ITIH2: variants seen among roughly 807,000 people sequenced by gnomAD.
The protein encoded by ITIH2 is inter-alpha-trypsin inhibitor heavy chain H2.
Under a neutral mutation model 104.4 loss-of-function variants are expected in ITIH2, and 103 were observed. That is an observed-to-expected ratio of 0.99 (90% CI 0.84 to 1.16). The LOEUF (loss-of-function observed/expected upper bound fraction) is 1.16. Ranked by LOEUF, ITIH2 falls within the 50% of genes most tolerant of loss-of-function variation. The pLI is 0.00. For missense variants in ITIH2, 1,108 were observed against 1,162.4 expected (o/e 0.95, Z 0.68); for synonymous variants, 436 against 435.4 (o/e 1.00, Z -0.02).
Position 7,732,014 on chromosome 10 carries a change from T to A in ITIH2, c.1647+18T>A. ...CGACTTCGGTACTTCCACTTATCCA[T>A]TTATTCTATCTACTAACTGACCCCC... is the stretch of plus-strand genomic sequence containing the variant. On this transcript the variant is annotated intron_variant, in intron 13 of 20. Coordinates refer to ENST00000358415, the MANE Select transcript of ITIH2 (RefSeq NM_002216.3). The A allele has an allele frequency of 1.9e-6, 3 of 1,586,712 alleles. No individual in the cohort carries two copies. Among genetic ancestry groups the A allele is most frequent in the Non-Finnish European group, 1.7e-6 (2 of 1,157,518 alleles).
chr10:7,738,500 CAG>C (rs1467415261), intron 15 of ITIH2, 119 bp from the exon 16 acceptor site: 1 of 1,105,682 alleles, frequency 9.0e-7, no homozygotes, highest in Non-Finnish European at 1.3e-6. Context: ...GGAATAAAAA[CAG>C]AGGAGAAAAA....
chr10:7,733,002 C>T (rs1464830230), intron 14 of ITIH2, among the ~76,000 whole-genome samples: 1 of 152,192 alleles, frequency 6.6e-6, no homozygotes, highest in Non-Finnish European at 1.5e-5. Flanking sequence ...ACTGGGATTA[C>T]AGGCATGAGC....
Position 7,731,971 on chromosome 10 carries a change from TAGAG to T in ITIH2, c.1625_1628del (p.Glu542AlafsTer12), listed in dbSNP as rs764736249. The stretch of plus-strand genomic sequence containing the variant: ...TTTGACCCTGCTAAATTGGATCAAA[TAGAG>T]AGCGTTATCACGGCGACTTCGGTAC... On this transcript the variant is annotated frameshift_variant, in exon 13 of 21. Coordinates refer to ENST00000358415, the MANE Select transcript of ITIH2 (RefSeq NM_002216.3). LOFTEE classifies it high-confidence loss of function. 1.1e-5 allele frequency: 18 copies of T among 1,613,770 alleles called. No individual in the cohort carries two copies. Among genetic ancestry groups the T allele is most frequent in the Admixed American group, 1.7e-5 (1 of 59,956 alleles).
chr10:7,707,136 G>T (rs1588448901), intron 2 of ITIH2, 65 bp from the exon 3 acceptor site: 5 of 1,173,168 alleles, frequency 4.3e-6, no homozygotes, highest in Non-Finnish European at 6.2e-6. Flanking sequence ...TGAGAAAACG[G>T]TTTTGGCTCT....
chr10:7,732,327 C>T lies in ITIH2; in HGVS notation c.1648-11C>T. 2.5e-6 allele frequency: 4 copies of T among 1,610,044 alleles called. No homozygotes were observed. Among genetic ancestry groups the T allele is most frequent in the Non-Finnish European group, 2.5e-6 (3 of 1,176,664 alleles). The stretch of plus-strand genomic sequence containing the variant: ...ACCCAGTGTCTCTCAACTGAACCTT[C>T]CATCATCTAGGCTAACACGCAGTTA... On this transcript the variant is annotated splice_polypyrimidine_tract_variant and intron_variant, in intron 13 of 20. Coordinates refer to ENST00000358415, the MANE Select transcript of ITIH2 (RefSeq NM_002216.3).
At position 7,734,786 on chromosome 10, in the gene ITIH2, T is replaced by G. The variant is rs558064390; in HGVS notation, c.1788-136T>G. The G allele has an allele frequency of 1.3e-4, 86 of 654,036 alleles. 1 individual carries two copies. Among genetic ancestry groups the G allele is most frequent in the Admixed American group, 6.9e-4 (29 of 42,330 alleles). 40.5% of individuals were successfully genotyped at this position (654,036 alleles called of 1,614,324 possible). A position where few individuals can be genotyped will look rare whatever the true frequency, so the allele number is the denominator to read the frequency against. On this transcript the variant is annotated intron_variant, in intron 14 of 20. Coordinates refer to ENST00000358415, the MANE Select transcript of ITIH2 (RefSeq NM_002216.3). ...AGCTTCTCGAAGCCAGTGAGTTCTGTTTCCCAGTTACTTTGCGGCTCCGCC... is the reference window on the plus strand; with the variant it reads ...AGCTTCTCGAAGCCAGTGAGTTCTGGTTCCCAGTTACTTTGCGGCTCCGCC...
At chr10:7,710,920 CTT>C (rs58634403) in intron 4 of ITIH2, among the ~76,000 whole-genome samples, 98 of 145,816 alleles carry the variant, frequency 6.7e-4, no homozygotes, top group African/African-American at 2.3e-3. Flanking sequence ...TGTTTTCCTT[CTT>C]TTTTTTTTTT....
At chr10:7,724,865 G>T (rs1378184369) in intron 9 of ITIH2, among the ~76,000 whole-genome samples, 2 of 152,052 alleles carry the variant, frequency 1.3e-5, no homozygotes, top group African/African-American at 2.4e-5. Flanking sequence ...TCCGCTGGGG[G>T]GAATAATTGC....
intron 17 of ITIH2, 99 bp downstream of exon 17, chr10:7,743,358 T>C (rs756651733): frequency 3.0e-6 from 2 of 674,328 alleles, no homozygotes; most frequent in Admixed American, 2.9e-5. Flanking sequence ...ATAGAAGTTC[T>C]ATATATTTCA....
intron 11 of ITIH2, 92 bp from the exon 12 acceptor site, chr10:7,729,858 GGA>G: frequency 3.9e-6 from 3 of 760,896 alleles, no homozygotes; most frequent in Non-Finnish European, 4.2e-6. Context: ...GTTTTAATCT[GGA>G]CACACTTTAC....
intron 15 of ITIH2, among the ~76,000 whole-genome samples, chr10:7,735,934 A>G (rs1018886974): frequency 2.6e-5 from 4 of 152,072 alleles, no homozygotes; most frequent in African/African-American, 4.8e-5. Flanking sequence ...TGGCCTCCCA[A>G]AGTGCTGGGG....
At chr10:7,742,908 C>T (rs1371455684) in intron 16 of ITIH2, among the ~76,000 whole-genome samples, 1 of 152,028 alleles carries the variant, frequency 6.6e-6, no homozygotes, top group Non-Finnish European at 1.5e-5. Context: ...TTTTTAGCTA[C>T]AAAATAAATA....
At chr10:7,727,659 T>A in intron 10 of ITIH2, 44 bp from the exon 11 acceptor site, 2 of 1,600,780 alleles carry the variant, frequency 1.2e-6, no homozygotes, top group Non-Finnish European at 1.7e-6. Context: ...TTTCTGCGTG[T>A]GGCGAGAACG....
At chr10:7,748,736 G>A (rs2130970597) in intron 20 of ITIH2, among the ~76,000 whole-genome samples, 1 of 151,202 alleles carries the variant, frequency 6.6e-6, no homozygotes, top group South Asian at 2.1e-4. Flanking sequence ...AGTAGAGACA[G>A]GGTTTCACCA....
chr10:7,745,739 C>A (rs960378350), intron 19 of ITIH2, among the ~76,000 whole-genome samples: 1 of 151,392 alleles, frequency 6.6e-6, no homozygotes, highest in Non-Finnish European at 1.5e-5. Context: ...GAGGGAGACT[C>A]CATCTCTTAA....
rs1228291294 is a variant in ITIH2 at position 7,746,072 on chromosome 10, A to T, written c.2582-521A>T. Among the ~76,000 whole-genome samples, 20 of 14,872 alleles carry T rather than the reference A, an allele frequency of 1.3e-3. 1 individual carries two copies. The highest frequency in any genetic ancestry group is 1.7e-3 in the African/African-American group (15 of 8,738). The allele number at this position is 14,872 out of a possible 152,430, so 9.8% of individuals were successfully genotyped here. A position where few individuals can be genotyped will look rare whatever the true frequency, so the allele number is the denominator to read the frequency against. Reference sequence around the variant, plus strand: ...CCCGGCCCCAAATCTTAAATTTAAAAAAAAAAAAAAAAAAAAAAAAAAAAA... The same window carrying T: ...CCCGGCCCCAAATCTTAAATTTAAATAAAAAAAAAAAAAAAAAAAAAAAAA... On this transcript the variant is annotated intron_variant, in intron 19 of 20. Transcript: ENST00000358415.
chr10:7,738,283 TTATATTCTATATAATATTATATA>T (rs1246309161), intron 15 of ITIH2, among the ~76,000 whole-genome samples: 11 of 129,626 alleles, frequency 8.5e-5, no homozygotes, highest in African/African-American at 2.9e-4. Context: ...ATATTATATA[TTATATTCTATATAATATTATATA>T]TTATATTCTG....
intron 16 of ITIH2, among the ~76,000 whole-genome samples, chr10:7,742,633 A>G (rs1835137839): frequency 6.6e-6 from 1 of 152,068 alleles, no homozygotes; most frequent in Non-Finnish European, 1.5e-5. Context: ...TGCCCCAGCT[A>G]CTCAGGAGGC....
At chr10:7,746,239 G>A (rs1478336035) in intron 19 of ITIH2, among the ~76,000 whole-genome samples, 1 of 151,556 alleles carries the variant, frequency 6.6e-6, no homozygotes. Flanking sequence ...GCCAGGCGTA[G>A]TGGCTCACGC....
Sources: allele counts gnomAD v4.1 joint callset (sites outside exome capture counted in the v4.1 genomes callset), GRCh38; gene constraint gnomAD v4.1.1; transcripts MANE v1.5; gene names NCBI Gene and HGNC (gene_info 2026-07-23, HGNC 2026-07-21).